Variants in ANK1 observed in about 807,000 individuals in gnomAD.
ANK1 encodes the protein ankyrin 1.
In ANK1, 51 loss-of-function variants were observed where a neutral mutation model predicts 210.4. The ratio of observed to expected loss-of-function variants is 0.24; its 90% CI spans 0.19 to 0.31. The LOEUF is 0.31. ANK1 is among the 10% of genes least tolerant of loss of function. ANK1 has a pLI of 1.00. For synonymous variants in ANK1, 967 were observed against 1,025.9 expected (o/e 0.94, Z 1.10); for missense variants, 2,051 against 2,504.4 (o/e 0.82, Z 3.86).
chr8:41,705,244 A>C (rs1306129956), intron 18 of ANK1, among the ~76,000 whole-genome samples: 1 of 152,204 alleles, frequency 6.6e-6, no homozygotes, highest in Admixed American at 6.5e-5. Flanking sequence ...GAGACCACCC[A>C]AGCACAGATC....
intron 1 of ANK1, among the ~76,000 whole-genome samples, chr8:41,851,418 G>C (rs1184173838): frequency 6.6e-6 from 1 of 152,358 alleles, no homozygotes; most frequent in East Asian, 1.9e-4. Context: ...GCTCACATGA[G>C]GCCAAATGCC....
chr8:41,866,917 T>G (rs760847282), intron 1 of ANK1, among the ~76,000 whole-genome samples: 7 of 152,240 alleles, frequency 4.6e-5, no homozygotes, highest in Non-Finnish European at 5.9e-5. Flanking sequence ...GCAGCGAACA[T>G]GGGTGTACAA....
chr8:41,895,904 C>CCCG (rs1554674048), intron 1 of ANK1, among the ~76,000 whole-genome samples: 39 of 151,930 alleles, frequency 2.6e-4, no homozygotes, highest in African/African-American at 9.5e-4. Flanking sequence ...CAGAGCTGCC[C>CCCG]CCCCCCGGCC....
At chr8:41,768,786 A>AC (rs962180057) in intron 1 of ANK1, among the ~76,000 whole-genome samples, 7 of 125,550 alleles carry the variant, frequency 5.6e-5, no homozygotes, top group Admixed American at 8.8e-5. Context: ...ACATAGTGAG[A>AC]CCCCCTGTCT....
chr8:41,737,432 T>G (rs564649436), intron 2 of ANK1, among the ~76,000 whole-genome samples: 1 of 152,160 alleles, frequency 6.6e-6, no homozygotes, highest in East Asian at 1.9e-4. Flanking sequence ...CGGCAATTGA[T>G]CTCTAGGATT....
chr8:41,717,783 G>T, intron 11 of ANK1, 81 bp from the exon 12 acceptor site: 1 of 1,246,344 alleles, frequency 8.0e-7, no homozygotes, highest in Non-Finnish European at 1.1e-6. Flanking sequence ...AGTATCTAAC[G>T]CTTTCACAAA....
intron 1 of ANK1, among the ~76,000 whole-genome samples, chr8:41,772,756 T>G (rs946161224): frequency 5.3e-5 from 8 of 152,238 alleles, no homozygotes; most frequent in African/African-American, 1.9e-4. Context: ...TGTGGCCAGC[T>G]GACCCGTTGG....
intron 1 of ANK1, among the ~76,000 whole-genome samples, chr8:41,790,208 G>A (rs1847348164): frequency 1.3e-5 from 2 of 150,952 alleles, no homozygotes; most frequent in South Asian, 4.2e-4. Flanking sequence ...GTGCAATGGT[G>A]CGATCTCGGC....
intron 1 of ANK1, among the ~76,000 whole-genome samples, chr8:41,783,864 A>C (rs1341221251): frequency 2.6e-5 from 4 of 152,118 alleles, no homozygotes; most frequent in African/African-American, 9.7e-5. Context: ...GGAGTTTGCC[A>C]CCAGACTGGG....
intron 1 of ANK1, among the ~76,000 whole-genome samples, chr8:41,890,612 G>A (rs1372944154): frequency 1.3e-5 from 2 of 151,806 alleles, no homozygotes; most frequent in Non-Finnish European, 2.9e-5. Context: ...TGGAGGCTGA[G>A]GCAGGAGAAT....
intron 1 of ANK1, among the ~76,000 whole-genome samples, chr8:41,881,894 C>T (rs1287769240): frequency 2.6e-5 from 4 of 152,166 alleles, no homozygotes. Flanking sequence ...TCCTTGCCTT[C>T]CCTGTCTCCT....
intron 3 of ANK1, among the ~76,000 whole-genome samples, chr8:41,729,954 G>A (rs1191045375): frequency 2.6e-5 from 4 of 152,198 alleles, no homozygotes; most frequent in African/African-American, 4.8e-5. Context: ...GTCCATGGTC[G>A]GACCCATCTG....
intron 2 of ANK1, among the ~76,000 whole-genome samples, chr8:41,743,340 G>A (rs1835269117): frequency 6.6e-6 from 1 of 152,196 alleles, no homozygotes. Flanking sequence ...GCGACGGCAT[G>A]ATAGTTTGTC....
intron 1 of ANK1, among the ~76,000 whole-genome samples, chr8:41,885,233 TC>T (rs1462316403): frequency 2.0e-5 from 3 of 152,136 alleles, no homozygotes; most frequent in Non-Finnish European, 4.4e-5. Flanking sequence ...CGGTACAGAA[TC>T]ATAAAGTTTT....
chr8:41,716,460 C>T (rs1827707570), intron 13 of ANK1, among the ~76,000 whole-genome samples: 1 of 152,124 alleles, frequency 6.6e-6, no homozygotes, highest in Non-Finnish European at 1.5e-5. Context: ...AATCACAGGC[C>T]TGACTCTAAG....
chr8:41,726,841 C>T (rs1212394492), intron 5 of ANK1, among the ~76,000 whole-genome samples: 1 of 152,194 alleles, frequency 6.6e-6, no homozygotes, highest in Non-Finnish European at 1.5e-5. Flanking sequence ...CCAATTTCAT[C>T]ATTTCACCAA....
intron 3 of ANK1, among the ~76,000 whole-genome samples, chr8:41,729,045 G>A (rs999977329): frequency 2.0e-5 from 3 of 152,172 alleles, no homozygotes; most frequent in East Asian, 1.9e-4. Flanking sequence ...GCAGTGGAGC[G>A]GACAAAGAGA....
intron 12 of ANK1, among the ~76,000 whole-genome samples, 199 bp from the exon 13 acceptor site, chr8:41,717,250 T>C (rs1827944941): frequency 2.0e-5 from 3 of 152,240 alleles, no homozygotes; most frequent in South Asian, 2.1e-4. Context: ...TGTGTGCACA[T>C]ACGTGCAGGT....
At position 41,744,875 on chromosome 8, in the gene ANK1, A is replaced by G. The variant is rs561789287; in HGVS notation, c.130-10806T>C. Among the ~76,000 whole-genome samples the G allele has an allele frequency of 2.1e-4, 32 of 152,324 alleles. No individual in the cohort carries two copies. The South Asian group carries it at 6.6e-3, about 32-fold the overall frequency. On this transcript the variant is annotated intron_variant, in intron 2 of 42. Coordinates refer to ENST00000289734, the MANE Select transcript of ANK1 (RefSeq NM_000037.4). ...TGGTATTCCTGTCCAGCATGGCCAT[A>G]TGGCCATGAGGCAGCATCAGACAGA...
Sources: gnomAD v4.1 joint callset for allele counts (sites outside exome capture counted in the v4.1 genomes callset) on GRCh38, gnomAD v4.1.1 for gene constraint, MANE v1.5 for transcripts, NCBI Gene and HGNC (gene_info 2026-07-23, HGNC 2026-07-21) for gene names.